The following AUTS2 variants were observed in gnomAD, a reference collection of about 807,000 sequenced individuals.
The protein encoded by AUTS2 is activator of transcription and developmental regulator AUTS2, also known as autism susceptibility gene 2 protein.
Under a neutral mutation model 112.4 loss-of-function variants are expected in AUTS2, and 17 were observed. The observed-to-expected ratio is 0.15, with a 90% CI of 0.10 to 0.23. AUTS2 has a LOEUF of 0.23. Ranked by LOEUF, AUTS2 falls within the 10% of genes least tolerant of loss-of-function variation. AUTS2 has a pLI of 1.00. For missense variants in AUTS2, 1,510 were observed against 1,701.6 expected (o/e 0.89, Z 1.98); for synonymous variants, 751 against 702.7 (o/e 1.07, Z -1.09).
intron 4 of AUTS2, among the ~76,000 whole-genome samples, chr7:70,230,864 A>T (rs1012656940): frequency 6.6e-6 from 1 of 152,174 alleles, no homozygotes; most frequent in Non-Finnish European, 1.5e-5. Flanking sequence ...TTTTGACAAT[A>T]CCCTTTGTCA....
Position 70,735,360 on chromosome 7 carries a change from A to G in AUTS2, c.743-27510A>G, listed in dbSNP as rs112704734. On this transcript the variant is annotated intron_variant, in intron 6 of 18. Transcript: ENST00000342771. ...GGTTTGTTCAGAATTTTCTTCCTGT[A>G]TTTCCTTTTTGAAGTTACAACAGTC... Among the ~76,000 whole-genome samples the G allele has an allele frequency of 3.5e-3, 538 of 152,288 alleles. 2 individuals carry two copies. Among genetic ancestry groups the G allele is most frequent in the Non-Finnish European group, 6.1e-3 (414 of 68,012 alleles).
At chr7:70,216,701 C>T (rs187341162) in intron 4 of AUTS2, among the ~76,000 whole-genome samples, 12 of 152,280 alleles carry the variant, frequency 7.9e-5, no homozygotes, top group East Asian at 1.9e-4. Context: ...CACTGGCTTC[C>T]GGAGTCCTCC....
intron 4 of AUTS2, chr7:70,290,223 T>C (rs893906561): frequency 1.2e-6 from 1 of 836,936 alleles, no homozygotes; most frequent in East Asian, 3.3e-5. Context: ...CATAAGCTTA[T>C]GTTTTTCTGT....
intron 2 of AUTS2, among the ~76,000 whole-genome samples, chr7:70,041,929 T>C (rs1169855322): frequency 2.0e-5 from 3 of 152,228 alleles, no homozygotes; most frequent in East Asian, 1.9e-4. Context: ...GAAAATTTTA[T>C]TGGATTCTCC....
At chr7:69,767,907 C>G (rs775029525) in intron 1 of AUTS2, among the ~76,000 whole-genome samples, 3 of 152,208 alleles carry the variant, frequency 2.0e-5, no homozygotes, top group Admixed American at 6.5e-5. Context: ...AGACCCTCCT[C>G]TAGAGCAAGT....
chr7:69,732,817 G>A (rs1178012865), intron 1 of AUTS2, among the ~76,000 whole-genome samples: 1 of 152,160 alleles, frequency 6.6e-6, no homozygotes, highest in Admixed American at 6.6e-5. Context: ...GTCAAAGAAG[G>A]CATGATGTCT....
At chr7:70,317,500 G>T (rs1016629365) in intron 4 of AUTS2, among the ~76,000 whole-genome samples, 1 of 152,110 alleles carries the variant, frequency 6.6e-6, no homozygotes, top group South Asian at 2.1e-4. Context: ...ATTTTTCCTG[G>T]TTTTCCTGTT....
intron 1 of AUTS2, among the ~76,000 whole-genome samples, chr7:69,673,749 G>A (rs777304899): frequency 6.6e-6 from 1 of 152,138 alleles, no homozygotes; most frequent in African/African-American, 2.4e-5. Flanking sequence ...GTTTGATGTG[G>A]GTTACTTACA....
chr7:70,348,020 A>T (rs1346187029), intron 4 of AUTS2, among the ~76,000 whole-genome samples: 1 of 152,222 alleles, frequency 6.6e-6, no homozygotes, highest in Non-Finnish European at 1.5e-5. Context: ...GACATGAGCC[A>T]GCAGAGCAGA....
At chr7:69,609,109 A>T (rs1353281633) in intron 1 of AUTS2, among the ~76,000 whole-genome samples, 2 of 152,224 alleles carry the variant, frequency 1.3e-5, no homozygotes, top group African/African-American at 4.8e-5. Context: ...ACAACAGCCC[A>T]CAGGGGTTAA....
chr7:70,592,704 T>C (rs996189900), intron 5 of AUTS2, among the ~76,000 whole-genome samples: 6 of 152,190 alleles, frequency 3.9e-5, no homozygotes, highest in African/African-American at 1.4e-4. Flanking sequence ...CCTCTTTGCC[T>C]ATTCTCTGAA....
At chr7:69,856,910 A>G (rs375571096) in intron 1 of AUTS2, among the ~76,000 whole-genome samples, 2 of 152,180 alleles carry the variant, frequency 1.3e-5, no homozygotes, top group African/African-American at 4.8e-5. Flanking sequence ...GCCTTGAACT[A>G]TAGTGGGCAC....
chr7:69,748,640 G>A (rs1490388293), intron 1 of AUTS2, among the ~76,000 whole-genome samples: 2 of 152,128 alleles, frequency 1.3e-5, no homozygotes, highest in African/African-American at 4.8e-5. Context: ...GACTGCAGGG[G>A]GAAGAGACAC....
intron 5 of AUTS2, chr7:70,596,063 G>A (rs963937210): frequency 2.6e-5 from 4 of 152,310 alleles, no homozygotes; most frequent in Non-Finnish European, 5.9e-5. Flanking sequence ...GGAATAAATT[G>A]TCAAGTTTCC....
intron 4 of AUTS2, among the ~76,000 whole-genome samples, chr7:70,260,139 G>A (rs1381081281): frequency 6.6e-6 from 1 of 152,048 alleles, no homozygotes; most frequent in African/African-American, 2.4e-5. Flanking sequence ...GCTGCAGCAG[G>A]CGGATCATGA....
At chr7:69,802,213 G>GT (rs1196294076) in intron 1 of AUTS2, among the ~76,000 whole-genome samples, 2 of 152,160 alleles carry the variant, frequency 1.3e-5, no homozygotes, top group African/African-American at 4.8e-5. Context: ...GAGAGCGTAT[G>GT]TTTCTTCTTG....
intron 5 of AUTS2, among the ~76,000 whole-genome samples, chr7:70,477,775 C>T (rs1797637389): frequency 6.6e-6 from 1 of 152,174 alleles, no homozygotes; most frequent in African/African-American, 2.4e-5. Context: ...AAAAGGCCTC[C>T]AAGCTTGATG....
intron 1 of AUTS2, among the ~76,000 whole-genome samples, chr7:69,603,527 T>C (rs1216544622): frequency 1.3e-5 from 2 of 152,198 alleles, no homozygotes; most frequent in African/African-American, 4.8e-5. Context: ...TCACATTTTA[T>C]AGGCAGTGAA....
rs1461262639 is a variant in AUTS2 at position 70,245,133 on chromosome 7, AG to A, written c.660+110563del. 8.9e-4 allele frequency among the ~76,000 whole-genome samples: 52 copies of A among 58,746 alleles called. 1 individual carries two copies. Among genetic ancestry groups the A allele is most frequent in the African/African-American group, 2.8e-3 (47 of 16,786 alleles). 38.5% of individuals were successfully genotyped at this position (58,746 alleles called of 152,430 possible). A position where few individuals can be genotyped will look rare whatever the true frequency, so the allele number is the denominator to read the frequency against. ...AGATCCTGCCTCAAAAAAAAAAAAA[AG>A]TGTGTGTGTGTATATATATATATAT... On this transcript the variant is annotated intron_variant, in intron 4 of 18. Coordinates refer to ENST00000342771, the MANE Select transcript of AUTS2 (RefSeq NM_015570.4).
Sources: allele counts gnomAD v4.1 joint callset (sites outside exome capture counted in the v4.1 genomes callset), GRCh38; gene constraint gnomAD v4.1.1; transcripts MANE v1.5; gene names NCBI Gene and HGNC (gene_info 2026-07-23, HGNC 2026-07-21).